CDH9: variants seen among roughly 807,000 people sequenced by gnomAD.
CDH9 encodes the protein cadherin-9.
Under a neutral mutation model 70.9 loss-of-function variants are expected in CDH9, and 28 were observed. The ratio of observed to expected loss-of-function variants is 0.40; its 90% CI spans 0.29 to 0.54. CDH9 has a LOEUF of 0.54. Among genes scored for constraint, CDH9 ranks in the 20% least tolerant of loss-of-function variants. CDH9 has a pLI of 0.59. For synonymous variants in CDH9, 409 were observed against 343.1 expected (o/e 1.19, Z -2.12); for missense variants, 874 against 984.4 (o/e 0.89, Z 1.50).
At chr5:26,894,491 A>T (rs970674563) in intron 7 of CDH9, among the ~76,000 whole-genome samples, 2 of 152,068 alleles carry the variant, frequency 1.3e-5, no homozygotes, top group Non-Finnish European at 2.9e-5. Flanking sequence ...CTCACAGACG[A>T]TACAGAAATA....
chr5:26,957,872 T>C (rs1741972507), intron 2 of CDH9, among the ~76,000 whole-genome samples: 1 of 99,552 alleles, frequency 1.0e-5, no homozygotes, highest in African/African-American at 2.7e-5. Context: ...ATATACGGAT[T>C]CTATTTAAAT....
At chr5:26,977,603 A>G (rs1742325285) in intron 2 of CDH9, among the ~76,000 whole-genome samples, 1 of 151,880 alleles carries the variant, frequency 6.6e-6, no homozygotes, top group South Asian at 2.1e-4. Context: ...TTGAGGGAAT[A>G]CTTCATTTCA....
At chr5:26,982,743 C>T (rs574724740) in intron 2 of CDH9, among the ~76,000 whole-genome samples, 21 of 151,998 alleles carry the variant, frequency 1.4e-4, no homozygotes, top group African/African-American at 4.6e-4. Context: ...GGCTCGATCT[C>T]GGCTCACTGG....
chr5:26,903,828 T>C lies in CDH9; in HGVS notation c.812-4A>G, dbSNP rs775122919. 2 of 1,471,218 alleles carry C rather than the reference T, an allele frequency of 1.4e-6. No individual in the cohort carries two copies. Among genetic ancestry groups the C allele is most frequent in the Non-Finnish European group, 1.8e-6 (2 of 1,082,588 alleles). The allele number at this position is 1,471,218 out of a possible 1,614,324, so 91.1% of individuals were successfully genotyped here. A position where few individuals can be genotyped will look rare whatever the true frequency, so the allele number is the denominator to read the frequency against. Reference sequence around the variant, plus strand: ...GGAGAATTAAATTGATACGTACCTATAAATTAAGTAAGAGCTGTTTTGACA... The same window carrying C: ...GGAGAATTAAATTGATACGTACCTACAAATTAAGTAAGAGCTGTTTTGACA... On this transcript the variant is annotated splice_polypyrimidine_tract_variant and splice_region_variant and intron_variant, in intron 5 of 11. Transcript: ENST00000231021.
chr5:26,952,559 C>T (rs1490163850), intron 2 of CDH9, among the ~76,000 whole-genome samples: 2 of 126,018 alleles, frequency 1.6e-5, no homozygotes, highest in Admixed American at 9.8e-5. Flanking sequence ...GGTATGAACC[C>T]GGGAGGCAGA....
chr5:27,034,493 G>A (rs1035714399), intron 1 of CDH9, among the ~76,000 whole-genome samples: 6 of 151,456 alleles, frequency 4.0e-5, no homozygotes, highest in Non-Finnish European at 8.9e-5. Context: ...GAAAAACTTT[G>A]AATGTCATTT....
At chr5:26,955,611 T>C (rs567235704) in intron 2 of CDH9, among the ~76,000 whole-genome samples, 1 of 152,184 alleles carries the variant, frequency 6.6e-6, no homozygotes, top group East Asian at 1.9e-4. Flanking sequence ...TCTCTGTGTG[T>C]GTTTCTCATT....
chr5:27,011,693 G>A (rs1742962236), intron 1 of CDH9, among the ~76,000 whole-genome samples: 1 of 151,962 alleles, frequency 6.6e-6, no homozygotes, highest in Non-Finnish European at 1.5e-5. Context: ...ACAGATAAAG[G>A]TAAGAGATTT....
At chr5:26,972,816 A>T (rs1742242600) in intron 2 of CDH9, among the ~76,000 whole-genome samples, 1 of 152,074 alleles carries the variant, frequency 6.6e-6, no homozygotes, top group Non-Finnish European at 1.5e-5. Flanking sequence ...GAGAATGATG[A>T]CACTTAATCT....
Position 26,881,135 on chromosome 5 carries a change from CT to C in CDH9, c.2370del (p.Ter790=). 1 of 1,597,834 alleles carries C rather than the reference CT, an allele frequency of 6.3e-7. No individual in the cohort carries two copies. The highest frequency in any genetic ancestry group is 8.5e-7 in the Non-Finnish European group (1 of 1,172,050). On this transcript the variant is annotated frameshift_variant and stop_lost, in exon 12 of 12. Coordinates refer to ENST00000231021, the MANE Select transcript of CDH9 (RefSeq NM_016279.4). LOFTEE classifies it high-confidence loss of function. ...MYGGDDSDRD[*>X] ...AATATTGATTAAGTCAAACAATCCT[CT>C]TAGTCTCGGTCACTATCATCACCCC...
intron 2 of CDH9, among the ~76,000 whole-genome samples, chr5:26,931,957 T>C (rs1183174390): frequency 6.6e-6 from 1 of 152,180 alleles, no homozygotes; most frequent in Non-Finnish European, 1.5e-5. Context: ...CTCACATCTA[T>C]GTTCAGTGAA....
At chr5:26,988,463 C>T (rs1167550536) in intron 1 of CDH9, 81 bp from the exon 2 acceptor site, 5 of 1,234,172 alleles carry the variant, frequency 4.1e-6, no homozygotes. Flanking sequence ...ATACTTATTC[C>T]AGACATTATT....
intron 2 of CDH9, among the ~76,000 whole-genome samples, chr5:26,986,926 G>A (rs1167093114): frequency 1.3e-5 from 2 of 151,946 alleles, no homozygotes; most frequent in Admixed American, 6.6e-5. Context: ...AAAGAGAAAT[G>A]TCAAAAGAAG....
intron 9 of CDH9, among the ~76,000 whole-genome samples, chr5:26,887,985 T>C (rs1740593705): frequency 6.6e-6 from 1 of 152,180 alleles, no homozygotes; most frequent in African/African-American, 2.4e-5. Flanking sequence ...TCCAAAACTA[T>C]GAGAAATAAA....
intron 2 of CDH9, among the ~76,000 whole-genome samples, chr5:26,974,794 C>A (rs1742276914): frequency 6.6e-6 from 1 of 150,506 alleles, no homozygotes; most frequent in African/African-American, 2.4e-5. Flanking sequence ...ACATATCCAT[C>A]ACCTCATATA....
At chr5:27,015,956 G>A (rs1743039630) in intron 1 of CDH9, among the ~76,000 whole-genome samples, 1 of 151,742 alleles carries the variant, frequency 6.6e-6, no homozygotes. Flanking sequence ...CATCAGAACT[G>A]ACTTAGGTAA....
intron 2 of CDH9, among the ~76,000 whole-genome samples, chr5:26,945,097 G>A (rs990806825): frequency 3.3e-5 from 5 of 150,820 alleles, no homozygotes; most frequent in Non-Finnish European, 7.4e-5. Flanking sequence ...AAGTCTGTTG[G>A]TTTTACATTT....
At chr5:27,025,745 A>T (rs1426677239) in intron 1 of CDH9, among the ~76,000 whole-genome samples, 10 of 152,086 alleles carry the variant, frequency 6.6e-5, no homozygotes, top group Non-Finnish European at 5.9e-5. Flanking sequence ...AGAGAAGTCT[A>T]GAACAACAGG....
At chr5:27,007,153 GT>G (rs1419329290) in intron 1 of CDH9, among the ~76,000 whole-genome samples, 1 of 152,100 alleles carries the variant, frequency 6.6e-6, no homozygotes, top group African/African-American at 2.4e-5. Context: ...GCTAATGAGT[GT>G]CTTACATGAG....
Sources: allele counts gnomAD v4.1 joint callset (sites outside exome capture counted in the v4.1 genomes callset), GRCh38; gene constraint gnomAD v4.1.1; transcripts MANE v1.5; gene names NCBI Gene and HGNC (gene_info 2026-07-23, HGNC 2026-07-21).